Variants in CREB5 observed in about 807,000 individuals in gnomAD.
CREB5 encodes the protein cAMP responsive element binding protein 5, also known as cyclic AMP-responsive element-binding protein 5.
CREB5 carries 19 observed loss-of-function variants against 57.1 expected under a neutral mutation model. The ratio of observed to expected loss-of-function variants is 0.33; its 90% CI spans 0.23 to 0.49. The LOEUF (loss-of-function observed/expected upper bound fraction) is 0.49, where lower values mean the gene tolerates loss of function less well. CREB5 is among the 20% of genes least tolerant of loss of function. The pLI, the probability that CREB5 is intolerant of heterozygous loss-of-function variation, is 0.99. For synonymous variants in CREB5, 238 were observed against 238.3 expected, an observed-to-expected ratio of 1.00 and a Z score of 0.01; for missense variants, 579 against 671.6, an observed-to-expected ratio of 0.86 and a Z score of 1.52.
At chr7:28,613,359 A>G (rs1797471205) in intron 5 of CREB5, among the ~76,000 whole-genome samples, 1 of 152,238 alleles carries the variant, frequency 6.6e-6, no homozygotes, top group South Asian at 2.1e-4. Flanking sequence ...CAGTGAAGGC[A>G]GAAGCCTGAG....
rs190478825 is a variant in CREB5, at chr7:28,823,513, C to A, written c.*4234C>A. On this transcript the variant is annotated 3_prime_UTR_variant, in exon 11 of 11. Transcript: ENST00000357727. ...TTGGTGGAAATGTTTGCTTAGATCT[C>A]TGTGCATAGACATTTCAAGGATTTT... 8 of 152,702 alleles carry A rather than the reference C, an allele frequency of 5.2e-5. No homozygotes were observed. In the East Asian group the frequency reaches 1.3e-3, roughly 26 times the overall value. The allele number at this position is 152,702 out of a possible 1,614,324, so 9.5% of individuals were successfully genotyped here.
chr7:28,376,019 T>A (rs1786815366), intron 1 of CREB5, among the ~76,000 whole-genome samples: 2 of 152,178 alleles, frequency 1.3e-5, no homozygotes, highest in Admixed American at 6.5e-5. Context: ...CCAGAGGCCA[T>A]CTTGTCTCCC....
Position 28,561,027 on chromosome 7 carries a change from T to TGC in CREB5, c.292-9337_292-9336insCG, listed in dbSNP as rs1395507333. On this transcript the variant is annotated intron_variant, in intron 4 of 10. Coordinates refer to ENST00000357727, the MANE Select transcript of CREB5 (RefSeq NM_182898.4). ...GTGCGTGTGTGTGTGCGTGTGTGCG[T>TGC]GTGTGTGTGTGTGTGTGAAGGTATT... 9.7e-4 allele frequency among the ~76,000 whole-genome samples: 68 copies of TGC among 70,462 alleles called. 4 individuals are homozygous for TGC. Among genetic ancestry groups the TGC allele is most frequent in the African/African-American group, 4.3e-3 (60 of 13,850 alleles). The allele number at this position is 70,462 out of a possible 152,430, so 46.2% of individuals were successfully genotyped here.
intron 1 of CREB5, among the ~76,000 whole-genome samples, chr7:28,485,858 T>C (rs992528924): frequency 6.6e-6 from 1 of 152,186 alleles, no homozygotes; most frequent in Admixed American, 6.6e-5. Context: ...GACTTAGTAG[T>C]ACCTTCTCAG....
intron 1 of CREB5, among the ~76,000 whole-genome samples, chr7:28,372,028 G>T (rs1413203648): frequency 6.6e-6 from 1 of 152,110 alleles, no homozygotes; most frequent in Non-Finnish European, 1.5e-5. Context: ...CTGTTCTGGG[G>T]AGTATCGAGC....
upstream of CREB5, among the ~76,000 whole-genome samples, chr7:28,408,504 TG>T (rs1407413718): frequency 2.0e-5 from 3 of 152,202 alleles, no homozygotes; most frequent in Admixed American, 6.5e-5. Context: ...AGTCTGGCCC[TG>T]GCTCTGCCGC....
At chr7:28,530,204 C>T (rs1366662836) in intron 4 of CREB5, among the ~76,000 whole-genome samples, 2 of 151,690 alleles carry the variant, frequency 1.3e-5, no homozygotes, top group African/African-American at 4.8e-5. Flanking sequence ...CACACTGTCA[C>T]AGGCTCCGGA....
chr7:28,779,514 C>G (rs1365338195), intron 7 of CREB5, among the ~76,000 whole-genome samples: 1 of 152,132 alleles, frequency 6.6e-6, no homozygotes, highest in East Asian at 1.9e-4. Context: ...TAACTGCCCT[C>G]AATTGGTGAC....
chr7:28,450,017 G>A (rs1323806478), intron 1 of CREB5, among the ~76,000 whole-genome samples: 2 of 152,088 alleles, frequency 1.3e-5, no homozygotes, highest in African/African-American at 4.8e-5. Context: ...TCGAATCTTT[G>A]GACCTCCTTT....
chr7:28,756,543 G>C (rs12700903), intron 7 of CREB5, among the ~76,000 whole-genome samples: 70,782 of 150,298 alleles, frequency 0.47, 18,252 homozygotes, highest in East Asian at 0.84. Flanking sequence ...GCAACAAGAG[G>C]GGAATTCCAT....
intron 1 of CREB5, among the ~76,000 whole-genome samples, chr7:28,304,822 A>G (rs1785156018): frequency 6.6e-6 from 1 of 152,228 alleles, no homozygotes; most frequent in Admixed American, 6.5e-5. Flanking sequence ...AGGCTGTAGG[A>G]CAGAAAATAG....
chr7:28,706,213 G>A (rs146306896), intron 5 of CREB5, among the ~76,000 whole-genome samples: 233 of 152,298 alleles, frequency 1.5e-3, no homozygotes, highest in African/African-American at 5.5e-3. Context: ...AAAATTAGAT[G>A]GGCATGGTGA....
At chr7:28,662,315 C>A (rs1176397408) in intron 5 of CREB5, among the ~76,000 whole-genome samples, 1 of 152,190 alleles carries the variant, frequency 6.6e-6, no homozygotes, top group African/African-American at 2.4e-5. Flanking sequence ...GAGGCAGAGA[C>A]CTTCAAGTAC....
intron 5 of CREB5, among the ~76,000 whole-genome samples, chr7:28,669,907 C>A (rs1185563710): frequency 6.6e-6 from 1 of 152,228 alleles, no homozygotes; most frequent in Non-Finnish European, 1.5e-5. Flanking sequence ...ACACCAGGCA[C>A]AACAAGGGGA....
At chr7:28,490,909 A>G (rs1271008137) in intron 2 of CREB5, among the ~76,000 whole-genome samples, 1 of 152,144 alleles carries the variant, frequency 6.6e-6, no homozygotes, top group Non-Finnish European at 1.5e-5. Flanking sequence ...TCTTTTTGGC[A>G]ACAGGCAGGG....
At chr7:28,613,058 T>TA (rs1431613318) in intron 5 of CREB5, among the ~76,000 whole-genome samples, 1 of 152,174 alleles carries the variant, frequency 6.6e-6, no homozygotes, top group Non-Finnish European at 1.5e-5. Flanking sequence ...TCCACTGTAG[T>TA]ATGTCCTAAT....
At chr7:28,648,021 G>C (rs1216911399) in intron 5 of CREB5, among the ~76,000 whole-genome samples, 4 of 152,228 alleles carry the variant, frequency 2.6e-5, no homozygotes, top group Non-Finnish European at 5.9e-5. Context: ...GGACACAGCA[G>C]ATCTAGATGA....
intron 5 of CREB5, among the ~76,000 whole-genome samples, chr7:28,666,016 A>G (rs977413246): frequency 6.6e-6 from 1 of 152,066 alleles, no homozygotes; most frequent in Non-Finnish European, 1.5e-5. Flanking sequence ...AGAAAAATCT[A>G]TTTTTTGCTG....
At chr7:28,484,611 C>A (rs151043583) in intron 1 of CREB5, among the ~76,000 whole-genome samples, 87 of 152,294 alleles carry the variant, frequency 5.7e-4, no homozygotes, top group Non-Finnish European at 1.1e-3. Flanking sequence ...GACTTTTATT[C>A]CAGTATTACG....
Sources: allele counts gnomAD v4.1 joint callset (sites outside exome capture counted in the v4.1 genomes callset), GRCh38; gene constraint gnomAD v4.1.1; transcripts MANE v1.5; gene names NCBI Gene and HGNC (gene_info 2026-07-23, HGNC 2026-07-21).